SEPTIN14: variants seen among roughly 807,000 people sequenced by gnomAD.
The protein encoded by SEPTIN14 is septin 14, also known as septin-14.
In SEPTIN14, 40 loss-of-function variants were observed where a neutral mutation model predicts 53.6. The observed-to-expected ratio is 0.75, with a 90% CI of 0.58 to 0.97. SEPTIN14 has a LOEUF of 0.97. SEPTIN14 is among the 50% of genes least tolerant of loss of function. SEPTIN14 has a pLI of 0.00. For synonymous variants in SEPTIN14, 138 were observed against 166.8 expected, an observed-to-expected ratio of 0.83 and a Z score of 1.33; for missense variants, 471 against 508.2, an observed-to-expected ratio of 0.93 and a Z score of 0.70.
intron 2 of SEPTIN14, among the ~76,000 whole-genome samples, chr7:55,857,960 A>G (rs1789674096): frequency 6.6e-6 from 1 of 152,150 alleles, no homozygotes; most frequent in Non-Finnish European, 1.5e-5. Context: ...ACTCAACTAG[A>G]CATTCAGTGA....
chr7:55,821,031 A>G (rs1488452519), intron 6 of SEPTIN14, among the ~76,000 whole-genome samples: 1 of 152,208 alleles, frequency 6.6e-6, no homozygotes, highest in Admixed American at 6.5e-5. Context: ...ACAGATAAAG[A>G]GTTTCATCAT....
intron 2 of SEPTIN14, among the ~76,000 whole-genome samples, chr7:55,856,003 G>A (rs976333580): frequency 6.6e-6 from 1 of 152,032 alleles, no homozygotes; most frequent in Admixed American, 6.6e-5. Flanking sequence ...ATTTTTATTT[G>A]TAATTTCAAC....
At chr7:55,843,576 G>T (rs1375311678) in intron 4 of SEPTIN14, among the ~76,000 whole-genome samples, 1 of 152,198 alleles carries the variant, frequency 6.6e-6, no homozygotes, top group Admixed American at 6.5e-5. Flanking sequence ...GCTCACGCCT[G>T]TAATCACAGC....
chr7:55,834,567 A>T lies in SEPTIN14; in HGVS notation c.578T>A (p.Ile193Asn). Residue 193 changes from isoleucine (I) to asparagine (N), a missense_variant, in exon 6 of 10, where the codon ATT becomes AAT. By Grantham distance (149) the Ile-to-Asn change is moderately radical. Transcript: ENST00000388975. ...LDSKVNIIPL[I>N]AKADTISKND... ...TTTAGAAATAGTGTCTGCTTTGGCA[A>T]TCAGTGGTATAATATTCACCTATGA... The T allele has an allele frequency of 1.2e-6, 2 of 1,608,748 alleles. No individual in the cohort carries two copies. The highest frequency in any genetic ancestry group is 1.7e-6 in the Non-Finnish European group (2 of 1,176,164).
chr7:55,844,492 C>T (rs4294144), intron 4 of SEPTIN14, 31 bp downstream of exon 4: 171,807 of 1,294,720 alleles, frequency 0.13, 16,245 homozygotes, highest in East Asian at 0.42. Context: ...AATAAGAAAA[C>T]CTTTTTTAAT....
At position 55,793,996 on chromosome 7, in the gene SEPTIN14, ATAAAGT is replaced by A. The variant is rs1788383846; in HGVS notation, c.*1911_*1916del. The A allele has an allele frequency of 6.6e-6, 1 of 152,184 alleles. No individual in the cohort carries two copies. Among genetic ancestry groups the A allele is most frequent in the African/African-American group, 2.4e-5 (1 of 41,470 alleles). 9.4% of individuals were successfully genotyped at this position (152,184 alleles called of 1,614,324 possible). A position where few individuals can be genotyped will look rare whatever the true frequency, so the allele number is the denominator to read the frequency against. On this transcript the variant is annotated 3_prime_UTR_variant, in exon 10 of 10. Coordinates refer to ENST00000388975, the MANE Select transcript of SEPTIN14 (RefSeq NM_207366.3). ...AGCTGAAAGAGACAAATATTTACTTATAAAGTTAAAAGTTATATGGAAAACCAACAC... is the reference window on the plus strand; with the variant it reads ...AGCTGAAAGAGACAAATATTTACTTATAAAAGTTATATGGAAAACCAACAC...
At chr7:55,847,731 T>C (rs1789438161) in intron 2 of SEPTIN14, among the ~76,000 whole-genome samples, 1 of 152,210 alleles carries the variant, frequency 6.6e-6, no homozygotes, top group Non-Finnish European at 1.5e-5. Context: ...AAAAATCAAA[T>C]GATGTATACT....
chr7:55,849,652 A>T (rs1789485669), intron 2 of SEPTIN14, among the ~76,000 whole-genome samples: 1 of 152,098 alleles, frequency 6.6e-6, no homozygotes, highest in Non-Finnish European at 1.5e-5. Context: ...AGGCTGAGGT[A>T]GGAGAATCAC....
chr7:55,854,469 G>T (rs531893926), intron 2 of SEPTIN14, among the ~76,000 whole-genome samples: 1 of 151,136 alleles, frequency 6.6e-6, no homozygotes, highest in Non-Finnish European at 1.5e-5. Flanking sequence ...TCGCTCTGTC[G>T]CCCAGGTTGG....
At chr7:55,833,078 G>T (rs1033262558) in intron 6 of SEPTIN14, among the ~76,000 whole-genome samples, 1 of 151,838 alleles carries the variant, frequency 6.6e-6, no homozygotes, top group Non-Finnish European at 1.5e-5. Context: ...ACTTTGTGAG[G>T]CCGAGGCAGG....
chr7:55,848,188 C>T (rs933204506), intron 2 of SEPTIN14, among the ~76,000 whole-genome samples: 53 of 152,126 alleles, frequency 3.5e-4, no homozygotes, highest in African/African-American at 1.2e-3. Flanking sequence ...CAAGAACATG[C>T]TAATCGGCCT....
chr7:55,821,196 G>T (rs1435087935), intron 6 of SEPTIN14, among the ~76,000 whole-genome samples: 2 of 152,098 alleles, frequency 1.3e-5, no homozygotes, highest in African/African-American at 4.8e-5. Context: ...TAGGGGCCCT[G>T]CCTTGGATGC....
intron 9 of SEPTIN14, chr7:55,797,920 C>G (rs1788457699): frequency 6.5e-6 from 1 of 153,594 alleles, no homozygotes. Flanking sequence ...CAACAAAAAA[C>G]TTGAGGCCTG....
rs765363917 is a variant in SEPTIN14 at position 55,846,569 on chromosome 7, C to A, written c.123G>T (p.Gln41His). 3 of 1,588,980 alleles carry A rather than the reference C, an allele frequency of 1.9e-6. No homozygotes were observed. The Admixed American group carries it at 5.1e-5, about 27-fold the overall frequency. The change falls in exon 3 of 10, where the codon CAG becomes CAT. Residue 41 changes from glutamine (Q) to histidine (H), a missense_variant. By Grantham distance (24) the Gln-to-His change is conservative. Coordinates refer to ENST00000388975, the MANE Select transcript of SEPTIN14 (RefSeq NM_207366.3). ...CTTGTCGGATAGATCTGCTCACCAACTGATTGGGCAAACATTCAAAACCAA... is the reference window on the plus strand; with the variant it reads ...CTTGTCGGATAGATCTGCTCACCAAATGATTGGGCAAACATTCAAAACCAA... ...GHFGFECLPNQLVSRSIRQGF... is the reference protein window; with the variant it reads ...GHFGFECLPNHLVSRSIRQGF...
chr7:55,859,539 G>T lies in SEPTIN14; in HGVS notation c.54+2404C>A, dbSNP rs193207528. On this transcript the variant is annotated intron_variant, in intron 2 of 9. Coordinates refer to ENST00000388975, the MANE Select transcript of SEPTIN14 (RefSeq NM_207366.3). ...ATAATTTTAAATCAGGATGTGTGATGCTCTGTGTTCATTGCAGTATTTTTT... is the reference window on the plus strand; with the variant it reads ...ATAATTTTAAATCAGGATGTGTGATTCTCTGTGTTCATTGCAGTATTTTTT... Among the ~76,000 whole-genome samples the T allele has an allele frequency of 3.3e-5, 5 of 152,242 alleles. No homozygotes were observed. In the East Asian group the frequency reaches 9.6e-4, roughly 29 times the overall value.
Position 55,809,108 on chromosome 7 carries a change from G to A in SEPTIN14, c.818-1850C>T, listed in dbSNP as rs145872042. Among the ~76,000 whole-genome samples, 101 of 152,204 alleles carry A rather than the reference G, an allele frequency of 6.6e-4. 1 individual carries two copies. The highest frequency in any genetic ancestry group is 2.3e-3 in the African/African-American group (95 of 41,532). On this transcript the variant is annotated intron_variant, in intron 7 of 9. Coordinates refer to ENST00000388975, the MANE Select transcript of SEPTIN14 (RefSeq NM_207366.3). The stretch of plus-strand genomic sequence containing the variant: ...AAAAAAGAACAAGATCGTGTCCTTT[G>A]CAGCAACATGAATGGAGCTGAAGCC...
intron 2 of SEPTIN14, among the ~76,000 whole-genome samples, chr7:55,855,557 T>C (rs903824401): frequency 1.3e-5 from 2 of 152,000 alleles, no homozygotes; most frequent in African/African-American, 4.8e-5. Context: ...TTTTTTCTTT[T>C]CTTTTCTTTT....
intron 9 of SEPTIN14, among the ~76,000 whole-genome samples, chr7:55,804,641 T>C (rs1437418156): frequency 2.0e-5 from 3 of 152,128 alleles, no homozygotes; most frequent in East Asian, 1.9e-4. Context: ...TCTGTTCTTA[T>C]GAAAAAGGAA....
intron 2 of SEPTIN14, among the ~76,000 whole-genome samples, chr7:55,852,983 A>G (rs1396542184): frequency 6.6e-6 from 1 of 152,228 alleles, no homozygotes; most frequent in Non-Finnish European, 1.5e-5. Context: ...CAAACCTACA[A>G]TGATATATCA....
Sources: gnomAD v4.1 joint callset for allele counts (sites outside exome capture counted in the v4.1 genomes callset) on GRCh38, gnomAD v4.1.1 for gene constraint, MANE v1.5 for transcripts, NCBI Gene and HGNC (gene_info 2026-07-23, HGNC 2026-07-21) for gene names.